Variants in USH2A observed in about 807,000 individuals in gnomAD.
USH2A encodes Usher syndrome 2A (autosomal recessive, mild).
In USH2A, 443 loss-of-function variants were observed where a neutral mutation model predicts 538.9. That is an observed-to-expected ratio of 0.82 (90% CI 0.76 to 0.89). USH2A has a LOEUF of 0.89. Among genes scored for constraint, USH2A ranks in the 40% least tolerant of loss-of-function variants. The pLI is 0.00. For missense variants in USH2A, 6,633 were observed against 6,324.8 expected (o/e 1.05, Z -1.65); for synonymous variants, 2,413 against 2,273.5 (o/e 1.06, Z -1.75).
rs75132625 is a variant in USH2A, at chr1:215,905,478, G to A, written c.7301-4573C>T. On this transcript the variant is annotated intron_variant, in intron 38 of 71. Transcript: ENST00000307340. The stretch of plus-strand genomic sequence containing the variant: ...GGAAAGGGCAGAATAGGTAGAAGGC[G>A]GAATCAAATAATCTACTTTATGTTT... Among the ~76,000 whole-genome samples the A allele has an allele frequency of 8.8e-3, 1,339 of 152,102 alleles. 17 individuals are homozygous for A. Among genetic ancestry groups the A allele is most frequent in the African/African-American group, 0.031 (1,267 of 41,510 alleles).
intron 19 of USH2A, among the ~76,000 whole-genome samples, chr1:216,194,583 G>A (rs528630833): frequency 6.6e-6 from 1 of 152,092 alleles, no homozygotes; most frequent in South Asian, 2.1e-4. Flanking sequence ...GTTCTAGAAA[G>A]TGAGACAGCA....
chr1:215,641,436 C>A (rs137913006), intron 67 of USH2A, among the ~76,000 whole-genome samples: 6 of 152,114 alleles, frequency 3.9e-5, no homozygotes, highest in African/African-American at 1.4e-4. Context: ...CATATAGAAG[C>A]AACTTTGTGT....
At position 216,299,441 on chromosome 1, in the gene USH2A, G is replaced by T. The variant is rs546084894; in HGVS notation, c.1645-7071C>A. ...CAATTTTAAGAAGATAGAGACAGAT[G>T]AGACAGGTTTACTAATAATAACAAT... On this transcript the variant is annotated intron_variant, in intron 9 of 71. Coordinates refer to ENST00000307340, the MANE Select transcript of USH2A (RefSeq NM_206933.4). Among the ~76,000 whole-genome samples, 257 of 152,212 alleles carry T rather than the reference G, an allele frequency of 1.7e-3. 2 individuals carry two copies. The highest frequency in any genetic ancestry group is 5.9e-3 in the African/African-American group (245 of 41,542).
intron 36 of USH2A, among the ~76,000 whole-genome samples, chr1:215,969,924 C>A (rs1429226178): frequency 6.6e-6 from 1 of 152,030 alleles, no homozygotes; most frequent in Non-Finnish European, 1.5e-5. Context: ...AAGAAAAATG[C>A]ACCAAAGTGT....
intron 21 of USH2A, among the ~76,000 whole-genome samples, chr1:216,156,119 C>A (rs950959799): frequency 1.3e-5 from 2 of 152,050 alleles, no homozygotes; most frequent in Non-Finnish European, 2.9e-5. Flanking sequence ...CCTCACCATG[C>A]ACCCTTCTGG....
chr1:216,277,127 T>C (rs1408722764), intron 11 of USH2A, among the ~76,000 whole-genome samples: 1 of 152,162 alleles, frequency 6.6e-6, no homozygotes, highest in African/African-American at 2.4e-5. Flanking sequence ...CTGTTCTTGC[T>C]AAAAGTCTTA....
chr1:216,360,716 A>T (rs1015651630), intron 4 of USH2A, among the ~76,000 whole-genome samples: 2 of 151,354 alleles, frequency 1.3e-5, no homozygotes, highest in Non-Finnish European at 2.9e-5. Context: ...AAAATAGTCT[A>T]TTAAGAAGGA....
At chr1:216,250,866 A>G in intron 12 of USH2A, 37 bp downstream of exon 12, 1 of 1,604,148 alleles carries the variant, frequency 6.2e-7, no homozygotes, top group South Asian at 1.1e-5. Flanking sequence ...CCAGATGGTA[A>G]TAGAGATGTG....
intron 44 of USH2A, among the ~76,000 whole-genome samples, chr1:215,861,663 A>G (rs1664316913): frequency 6.6e-6 from 1 of 152,178 alleles, no homozygotes; most frequent in African/African-American, 2.4e-5. Flanking sequence ...TTAATACCCA[A>G]AAAGATGCAG....
chr1:216,048,272 C>A (rs185923298), intron 31 of USH2A, among the ~76,000 whole-genome samples: 1 of 152,134 alleles, frequency 6.6e-6, no homozygotes, highest in Non-Finnish European at 1.5e-5. Context: ...AATGACAAGG[C>A]TCTTGCATGA....
chr1:216,074,571 T>G (rs2031685846), intron 27 of USH2A, among the ~76,000 whole-genome samples: 1 of 152,204 alleles, frequency 6.6e-6, no homozygotes, highest in African/African-American at 2.4e-5. Context: ...TTAAATGTCT[T>G]TTACTATTAT....
At chr1:215,865,779 A>T (rs1170690353) in intron 44 of USH2A, among the ~76,000 whole-genome samples, 1 of 152,242 alleles carries the variant, frequency 6.6e-6, no homozygotes, top group East Asian at 1.9e-4. Flanking sequence ...TTTTGTAAAG[A>T]TGGATTATTT....
At chr1:216,017,964 C>A (rs977156319) in intron 32 of USH2A, among the ~76,000 whole-genome samples, 3 of 152,126 alleles carry the variant, frequency 2.0e-5, no homozygotes, top group African/African-American at 7.2e-5. Context: ...ATACACATTT[C>A]TTTTTTGGCA....
At chr1:215,886,382 T>C (rs559237982) in intron 41 of USH2A, among the ~76,000 whole-genome samples, 4 of 152,354 alleles carry the variant, frequency 2.6e-5, no homozygotes, top group African/African-American at 9.6e-5. Flanking sequence ...TTAAGATCGT[T>C]CTGAACATGT....
intron 30 of USH2A, among the ~76,000 whole-genome samples, chr1:216,064,218 T>C (rs1451570337): frequency 6.6e-6 from 1 of 152,222 alleles, no homozygotes; most frequent in Non-Finnish European, 1.5e-5. Context: ...ATTCATTTAT[T>C]TTCCAATCTG....
chr1:216,220,425 A>C (rs1279797148), intron 14 of USH2A, among the ~76,000 whole-genome samples: 1 of 149,928 alleles, frequency 6.7e-6, no homozygotes, highest in Non-Finnish European at 1.5e-5. Flanking sequence ...AACAGCATTA[A>C]TAAAGATGTA....
rs116811905 is a variant in USH2A, at chr1:215,989,389, C to T, written c.6805+3631G>A. Among the ~76,000 whole-genome samples the T allele has an allele frequency of 5.6e-3, 851 of 152,212 alleles. 8 individuals carry two copies. The highest frequency in any genetic ancestry group is 0.019 in the African/African-American group (802 of 41,540). On this transcript the variant is annotated intron_variant, in intron 35 of 71. Transcript: ENST00000307340. Reference sequence around the variant, plus strand: ...TAGGGAACCACTAGGAGCTGCTTCTCTGTGTACCTGGCACCTTGTGCACCT... The same window carrying T: ...TAGGGAACCACTAGGAGCTGCTTCTTTGTGTACCTGGCACCTTGTGCACCT...
chr1:216,234,024 T>A (rs569672771), intron 13 of USH2A, among the ~76,000 whole-genome samples: 6 of 152,218 alleles, frequency 3.9e-5, no homozygotes, highest in Admixed American at 6.5e-5. Context: ...AAAAATGAAT[T>A]GTACAATTGT....
rs199799968 is a variant in USH2A at position 216,047,224 on chromosome 1, T to TA, written c.6164-633dup. 3.2e-3 allele frequency among the ~76,000 whole-genome samples: 486 copies of TA among 152,166 alleles called. 1 individual carries two copies. The highest frequency in any genetic ancestry group is 0.014 in the Middle Eastern group (4 of 294). On this transcript the variant is annotated intron_variant, in intron 31 of 71. Coordinates refer to ENST00000307340, the MANE Select transcript of USH2A (RefSeq NM_206933.4). ...AGAAGTTTGGGAATGTCTTTAAAAA[T>TA]AAAAAAGGAAATATAAACAAGAGCA...
Sources: allele counts gnomAD v4.1 joint callset (sites outside exome capture counted in the v4.1 genomes callset), GRCh38; gene constraint gnomAD v4.1.1; transcripts MANE v1.5; gene names NCBI Gene and HGNC (gene_info 2026-07-23, HGNC 2026-07-21).